Variants in ZNF560 observed in about 807,000 individuals in gnomAD.
The protein encoded by ZNF560 is zinc finger protein 560.
Under a neutral mutation model 81.8 loss-of-function variants are expected in ZNF560, and 54 were observed. That is an observed-to-expected ratio of 0.66 (90% CI 0.53 to 0.83). The LOEUF (loss-of-function observed/expected upper bound fraction) is 0.83. ZNF560 is among the 40% of genes least tolerant of loss of function. The pLI is 0.00. For synonymous variants in ZNF560, 321 were observed against 317.9 expected, an observed-to-expected ratio of 1.01 and a Z score of -0.10; for missense variants, 940 against 932.4, an observed-to-expected ratio of 1.01 and a Z score of -0.11.
At chr19:9,450,648 G>A in the ZNF560 span, among the ~76,000 whole-genome samples, 1 of 152,112 alleles carries the variant, frequency 6.6e-6, no homozygotes, top group Non-Finnish European at 1.5e-5. Flanking sequence ...CTGCACATCA[G>A]CCTCCCGAGT....
chr19:9,494,312 A>C lies in ZNF560; in HGVS notation c.-57+3816T>G, dbSNP rs910060565. 4.1e-4 allele frequency among the ~76,000 whole-genome samples: 63 copies of C among 152,182 alleles called. 1 individual carries two copies. The highest frequency in any genetic ancestry group is 1.5e-3 in the African/African-American group (62 of 41,444). ...GGATGCTGACTAGGCAAAACTGTGA[A>C]CATGCCAGTTACCAAGTTATCCATC... is the stretch of plus-strand genomic sequence containing the variant. On this transcript the variant is annotated intron_variant, in intron 2 of 9. Transcript: ENST00000301480.
At chr19:9,452,201 C>T in the ZNF560 span, among the ~76,000 whole-genome samples, 1 of 152,076 alleles carries the variant, frequency 6.6e-6, no homozygotes, top group Non-Finnish European at 1.5e-5. Context: ...AAATGCAAAT[C>T]AAAACCACAA....
At chr19:9,446,412 A>C in the ZNF560 span, among the ~76,000 whole-genome samples, 2 of 150,070 alleles carry the variant, frequency 1.3e-5, no homozygotes, top group African/African-American at 4.9e-5. Context: ...ACACACATAA[A>C]ATATAGGATG....
At chr19:9,497,254 G>C (rs1019424213) in intron 2 of ZNF560, among the ~76,000 whole-genome samples, 7 of 151,938 alleles carry the variant, frequency 4.6e-5, no homozygotes, top group African/African-American at 1.7e-4. Flanking sequence ...TAATTTTCTT[G>C]ATGCAAATAG....
chr19:9,499,077 G>A (rs1260743512), upstream of ZNF560, among the ~76,000 whole-genome samples: 1 of 152,144 alleles, frequency 6.6e-6, no homozygotes, highest in Non-Finnish European at 1.5e-5. Flanking sequence ...TTATTTATCT[G>A]ACCTTGCTAA....
chr19:9,469,034 G>T, intron 9 of ZNF560, 71 bp downstream of exon 9: 2 of 1,264,286 alleles, frequency 1.6e-6, no homozygotes, highest in Non-Finnish European at 2.2e-6. Flanking sequence ...GGCCATTTCT[G>T]CTGATTTCTA....
At chr19:9,502,379 T>C (rs1039564327), upstream of ZNF560, among the ~76,000 whole-genome samples, 2 of 151,724 alleles carry the variant, frequency 1.3e-5, no homozygotes, top group Non-Finnish European at 2.9e-5. Flanking sequence ...GCCCAGCTAA[T>C]TTTTGTGTTT....
chr19:9,471,059 T>C (rs1016391777), intron 6 of ZNF560, among the ~76,000 whole-genome samples: 12 of 151,962 alleles, frequency 7.9e-5, no homozygotes, highest in African/African-American at 2.7e-4. Flanking sequence ...CAGACAGGAG[T>C]ACCTACAAGA....
At chr19:9,489,826 A>T (rs922061588) in intron 2 of ZNF560, among the ~76,000 whole-genome samples, 6 of 152,206 alleles carry the variant, frequency 3.9e-5, no homozygotes, top group East Asian at 1.9e-4. Context: ...TCCTGACCTC[A>T]TGATCCGCCC....
intron 3 of ZNF560, 101 bp from the exon 4 acceptor site, chr19:9,474,426 G>A (rs1415792573): frequency 5.6e-5 from 75 of 1,339,700 alleles, no homozygotes; most frequent in Non-Finnish European, 7.5e-5. Context: ...AGAGTTGTGA[G>A]GTCTCTCATT....
chr19:9,453,990 G>A, the ZNF560 span, among the ~76,000 whole-genome samples: 83 of 152,316 alleles, frequency 5.4e-4, no homozygotes, highest in Middle Eastern at 0.014. Flanking sequence ...TGACATGCTC[G>A]TGATGGCTAT....
chr19:9,480,090 CA>C (rs1699190053), intron 2 of ZNF560, among the ~76,000 whole-genome samples: 1 of 152,124 alleles, frequency 6.6e-6, no homozygotes, highest in Non-Finnish European at 1.5e-5. Flanking sequence ...AATAAAGAAA[CA>C]TGAGACTAGA....
chr19:9,479,606 A>C (rs2073254121), intron 2 of ZNF560, among the ~76,000 whole-genome samples: 1 of 152,174 alleles, frequency 6.6e-6, no homozygotes, highest in African/African-American at 2.4e-5. Context: ...TCCACTTATT[A>C]GGGTAGATTC....
upstream of ZNF560, among the ~76,000 whole-genome samples, chr19:9,499,462 G>A (rs1186206809): frequency 6.6e-6 from 1 of 152,220 alleles, no homozygotes; most frequent in Non-Finnish European, 1.5e-5. Flanking sequence ...CCCGAAGTGG[G>A]ATTACAGGCG....
downstream of ZNF560, among the ~76,000 whole-genome samples, chr19:9,465,129 ATTTTTT>A (rs887659069): frequency 7.7e-6 from 1 of 129,522 alleles, no homozygotes. Context: ...AAAGCTATTG[ATTTTTT>A]TTTTTTTTTT....
At chr19:9,465,790 C>A (rs1026863275), downstream of ZNF560, among the ~76,000 whole-genome samples, 1 of 152,152 alleles carries the variant, frequency 6.6e-6, no homozygotes, top group African/African-American at 2.4e-5. Context: ...GTCAGGACTT[C>A]AAGACCAGCT....
chr19:9,474,823 ATTTTTTTT>A (rs35450965), intron 3 of ZNF560, among the ~76,000 whole-genome samples: 1 of 85,684 alleles, frequency 1.2e-5, no homozygotes, highest in Admixed American at 1.6e-4. Flanking sequence ...CATGCCTGGC[ATTTTTTTT>A]TTTTTTTTTT....
At chr19:9,466,341 TC>T (rs2073014445), downstream of ZNF560, among the ~76,000 whole-genome samples, 6 of 136,796 alleles carry the variant, frequency 4.4e-5, no homozygotes, top group South Asian at 2.4e-4. Flanking sequence ...GTGAGACTCA[TC>T]AAAAAAAAAA....
chr19:9,468,890 C>A (rs576521849), intron 9 of ZNF560, among the ~76,000 whole-genome samples: 25 of 152,082 alleles, frequency 1.6e-4, no homozygotes, highest in Admixed American at 1.6e-3. Context: ...CCACTATGCC[C>A]AGCTAATTTT....
Sources: allele counts gnomAD v4.1 joint callset (sites outside exome capture counted in the v4.1 genomes callset), GRCh38; gene constraint gnomAD v4.1.1; transcripts MANE v1.5; gene names NCBI Gene and HGNC (gene_info 2026-07-23, HGNC 2026-07-21).